MICU3: variants seen among roughly 807,000 people sequenced by gnomAD.
MICU3 encodes calcium uptake protein 3, mitochondrial.
In MICU3, 62 loss-of-function variants were observed where a neutral mutation model predicts 66.5. The observed-to-expected ratio is 0.93, with a 90% CI of 0.76 to 1.15. The LOEUF (loss-of-function observed/expected upper bound fraction) is 1.15. MICU3 is among the 50% of genes most tolerant of loss of function. MICU3 has a pLI of 0.00. For synonymous variants in MICU3, 308 were observed against 240.7 expected, an observed-to-expected ratio of 1.28 and a Z score of -2.59; for missense variants, 779 against 664.4, an observed-to-expected ratio of 1.17 and a Z score of -1.90.
At chr8:17,035,432 G>T (rs931504907) in intron 1 of MICU3, among the ~76,000 whole-genome samples, 1 of 152,218 alleles carries the variant, frequency 6.6e-6, no homozygotes, top group Non-Finnish European at 1.5e-5. Flanking sequence ...TTGTTGAATG[G>T]CTTTGACCAA....
chr8:17,046,298 A>G (rs1815070524), intron 1 of MICU3, among the ~76,000 whole-genome samples: 1 of 152,186 alleles, frequency 6.6e-6, no homozygotes, highest in Non-Finnish European at 1.5e-5. Flanking sequence ...TGGCTGCTGC[A>G]GAACTGATTG....
chr8:17,091,350 G>A (rs1444188239), intron 8 of MICU3, among the ~76,000 whole-genome samples: 1 of 151,936 alleles, frequency 6.6e-6, no homozygotes, highest in African/African-American at 2.4e-5. Context: ...ATTTCCCCAA[G>A]GATCCTTAAG....
intron 11 of MICU3, among the ~76,000 whole-genome samples, chr8:17,112,935 C>T (rs1802336816): frequency 6.6e-6 from 1 of 152,066 alleles, no homozygotes; most frequent in African/African-American, 2.4e-5. Flanking sequence ...CAGCCTTCTA[C>T]AGAAAACATG....
intron 11 of MICU3, 50 bp from the exon 12 acceptor site, chr8:17,114,043 T>TC: frequency 8.3e-7 from 1 of 1,202,602 alleles, no homozygotes; most frequent in Non-Finnish European, 1.2e-6. Flanking sequence ...ATCCTGATTT[T>TC]AATAAATTTG....
chr8:17,058,968 T>G (rs1319933887), intron 1 of MICU3, among the ~76,000 whole-genome samples: 2 of 152,228 alleles, frequency 1.3e-5, no homozygotes, highest in African/African-American at 2.4e-5. Context: ...CTAAAACAGT[T>G]TTAGTTAATG....
At chr8:17,127,882 G>A in the MICU3 span, among the ~76,000 whole-genome samples, 30 of 138,972 alleles carry the variant, frequency 2.2e-4, no homozygotes, top group East Asian at 6.1e-3. Flanking sequence ...ACAAAAAAGG[G>A]GTAAAAATAA....
At chr8:17,062,592 G>A (rs1170901438) in intron 1 of MICU3, among the ~76,000 whole-genome samples, 1 of 152,124 alleles carries the variant, frequency 6.6e-6, no homozygotes, top group African/African-American at 2.4e-5. Context: ...GGTTGTTTTT[G>A]TTATGGCTTC....
rs751940168 is a variant in MICU3 at position 17,104,454 on chromosome 8, A to T, written c.1048A>T (p.Lys350Ter). The T allele has an allele frequency of 6.8e-7, 1 of 1,465,100 alleles. No individual in the cohort carries two copies. The highest frequency in any genetic ancestry group is 9.2e-7 in the Non-Finnish European group (1 of 1,087,422). The allele number at this position is 1,465,100 out of a possible 1,614,324, so 90.8% of individuals were successfully genotyped here. ...TTLLVHFFGK[K>*]GKAELNFEDF... is the part of the protein sequence containing the mutation. ...ACTTCTTGTACACTTTTTTGGAAAG[A>T]AAGGAAAAGCTGAGCTCAACTTTGA... Residue 350 changes from lysine (K) to a stop codon, truncating the protein, a stop_gained, in exon 10 of 15, where the codon AAA becomes TAA. Transcript: ENST00000318063. LOFTEE classifies it high-confidence loss of function.
At chr8:17,067,179 T>G in intron 2 of MICU3, among the ~76,000 whole-genome samples, 1 of 152,230 alleles carries the variant, frequency 6.6e-6, no homozygotes, top group East Asian at 1.9e-4. Flanking sequence ...GAACAATGTT[T>G]CATGTACTGA....
chr8:17,037,986 A>C (rs565422444), intron 1 of MICU3, among the ~76,000 whole-genome samples: 1 of 152,242 alleles, frequency 6.6e-6, no homozygotes, highest in South Asian at 2.1e-4. Context: ...GTGTTTACCC[A>C]ATGTCTCTAC....
At chr8:17,123,882 T>G (rs1214443205), downstream of MICU3, among the ~76,000 whole-genome samples, 1 of 151,218 alleles carries the variant, frequency 6.6e-6, no homozygotes, top group African/African-American at 2.4e-5. Context: ...TTTGATTGCA[T>G]AGAACTATGT....
At chr8:17,067,110 GA>G (rs1362639376) in intron 2 of MICU3, among the ~76,000 whole-genome samples, 5 of 152,118 alleles carry the variant, frequency 3.3e-5, no homozygotes, top group Admixed American at 2.0e-4. Flanking sequence ...AATCACAAAA[GA>G]TCAAGATATT....
At chr8:17,045,131 A>G (rs1814839880) in intron 1 of MICU3, among the ~76,000 whole-genome samples, 1 of 152,094 alleles carries the variant, frequency 6.6e-6, no homozygotes, top group African/African-American at 2.4e-5. Flanking sequence ...GTTGAGAAAG[A>G]GGCTTTTAAA....
At chr8:17,123,599 G>A (rs1803322481), downstream of MICU3, among the ~76,000 whole-genome samples, 1 of 152,112 alleles carries the variant, frequency 6.6e-6, no homozygotes, top group Admixed American at 6.5e-5. Flanking sequence ...TTGCTGGTGA[G>A]CTGTAAGTTT....
chr8:17,039,035 T>C (rs1431387259), intron 1 of MICU3, among the ~76,000 whole-genome samples: 1 of 152,010 alleles, frequency 6.6e-6, no homozygotes, highest in Non-Finnish European at 1.5e-5. Context: ...CAACCACCAC[T>C]CTGATCAGTT....
At chr8:17,077,693 A>G in intron 3 of MICU3, 90 bp from the exon 4 acceptor site, 1 of 862,588 alleles carries the variant, frequency 1.2e-6, no homozygotes, top group Non-Finnish European at 1.8e-6. Flanking sequence ...TTTTAAGTGG[A>G]GAATTTGGCA....
chr8:17,027,466 C>T lies in MICU3; in HGVS notation c.187C>T (p.Arg63Cys). The change falls in exon 1 of 15, where the codon CGC becomes TGC. Residue 63 changes from arginine to cysteine, a missense_variant. Physicochemically the swap from Arg to Cys is radical, Grantham distance 180. Coordinates refer to ENST00000318063, the MANE Select transcript of MICU3 (RefSeq NM_181723.3). The part of the protein sequence containing the change: ...VAEAAWRRRR[R>C]WGELSVAAAA... The stretch of plus-strand genomic sequence containing the variant: ...GGAGGCGGCATGGAGGCGGCGGCGG[C>T]GCTGGGGGGAGCTGAGCGTGGCGGC... 7.7e-7 allele frequency: 1 copy of T among 1,292,118 alleles called. No individual in the cohort carries two copies. The highest frequency in any genetic ancestry group is 2.6e-5 in the South Asian group (1 of 37,908). The allele number at this position is 1,292,118 out of a possible 1,614,324, so 80.0% of individuals were successfully genotyped here.
intron 2 of MICU3, among the ~76,000 whole-genome samples, chr8:17,066,519 A>C (rs947598364): frequency 2.1e-5 from 1 of 47,158 alleles, no homozygotes; most frequent in African/African-American, 5.5e-5. Flanking sequence ...TTAATAATCT[A>C]TATATATATA....
intron 6 of MICU3, among the ~76,000 whole-genome samples, chr8:17,085,970 T>A (rs1339319924): frequency 6.6e-6 from 1 of 152,130 alleles, no homozygotes; most frequent in African/African-American, 2.4e-5. Flanking sequence ...AAATGCCTAG[T>A]ATATTTTTTT....
Sources: gnomAD v4.1 joint callset for allele counts (sites outside exome capture counted in the v4.1 genomes callset) on GRCh38, gnomAD v4.1.1 for gene constraint, MANE v1.5 for transcripts, NCBI Gene and HGNC (gene_info 2026-07-23, HGNC 2026-07-21) for gene names.